Variants in ZNF33B observed in about 807,000 individuals in gnomAD.
ZNF33B encodes zinc finger protein 33B.
In ZNF33B, 29 loss-of-function variants were observed where a neutral mutation model predicts 45.8. The observed-to-expected ratio is 0.63, with a 90% confidence interval of 0.47 to 0.86. The LOEUF is 0.86. Ranked by LOEUF, ZNF33B falls within the 40% of genes least tolerant of loss-of-function variation. The pLI is 0.00. For synonymous variants in ZNF33B, 305 were observed against 307.8 expected (o/e 0.99, Z 0.10); for missense variants, 831 against 909.9 (o/e 0.91, Z 1.12).
At chr10:42,581,422 C>G (rs1050984116) in intron 1 of ZNF33B, among the ~76,000 whole-genome samples, 1 of 146,544 alleles carries the variant, frequency 6.8e-6, no homozygotes, top group African/African-American at 2.5e-5. Context: ...CCAGATCGCA[C>G]CATTGCACTC....
chr10:42,592,930 A>T lies in ZNF33B; in HGVS notation c.2020T>A (p.Phe674Ile). ...AAAATAAGTCCTGACTTCACACAGA[A>T]AGATTTTCCACATTCGTTACATTTA... The part of the protein sequence containing the change: ...PYKCNECGKS[F>I]CVKSGLILHE... The change falls in exon 5 of 5, where the codon TTC (phenylalanine) becomes ATC (isoleucine). Residue 674 changes from phenylalanine (F) to isoleucine (I), a missense_variant. Phe to Ile is a conservative substitution (Grantham distance 21, BLOSUM62 0). Coordinates refer to ENST00000359467, the MANE Select transcript of ZNF33B (RefSeq NM_006955.3). 3.1e-6 allele frequency: 5 copies of T among 1,613,762 alleles called. No homozygotes were observed. Among genetic ancestry groups the T allele is most frequent in the Non-Finnish European group, 4.2e-6 (5 of 1,179,920 alleles).
At chr10:42,599,004 G>A (rs1259407048) in intron 4 of ZNF33B, among the ~76,000 whole-genome samples, 1 of 152,088 alleles carries the variant, frequency 6.6e-6, no homozygotes, top group Non-Finnish European at 1.5e-5. Flanking sequence ...AAGCATCTAG[G>A]GACCTGGGGT....
intron 4 of ZNF33B, among the ~76,000 whole-genome samples, chr10:42,612,896 G>A (rs898654402): frequency 2.6e-5 from 4 of 151,834 alleles, no homozygotes; most frequent in African/African-American, 7.3e-5. Flanking sequence ...ACTGATATTG[G>A]TCCATTTGAA....
At chr10:42,584,666 A>C (rs1564489144), downstream of ZNF33B, among the ~76,000 whole-genome samples, 1 of 151,996 alleles carries the variant, frequency 6.6e-6, no homozygotes, top group Non-Finnish European at 1.5e-5. Context: ...GATTACAGGC[A>C]CCCACCACCA....
At chr10:42,577,243 G>A (rs948745881) in intron 1 of ZNF33B, among the ~76,000 whole-genome samples, 2 of 151,310 alleles carry the variant, frequency 1.3e-5, no homozygotes, top group African/African-American at 4.9e-5. Context: ...AGAAATGAAA[G>A]TAAACACACC....
intron 4 of ZNF33B, among the ~76,000 whole-genome samples, chr10:42,600,427 A>C (rs1837570738): frequency 6.6e-6 from 1 of 152,188 alleles, no homozygotes; most frequent in African/African-American, 2.4e-5. Context: ...TCAATATGAA[A>C]AAAAATCTTT....
At chr10:42,637,040 G>A (rs1267331221) in intron 1 of ZNF33B, 68 bp from the exon 2 acceptor site, 1 of 1,496,934 alleles carries the variant, frequency 6.7e-7, no homozygotes, top group Non-Finnish European at 9.2e-7. Flanking sequence ...GGATTCTTCT[G>A]CCCTAAGAAG....
chr10:42,583,750 C>A (rs1836869744), intron 1 of ZNF33B, among the ~76,000 whole-genome samples: 1 of 152,150 alleles, frequency 6.6e-6, no homozygotes, highest in South Asian at 2.1e-4. Context: ...CCATATTTTG[C>A]AGACTAAATG....
downstream of ZNF33B, among the ~76,000 whole-genome samples, chr10:42,587,958 G>A (rs527988195): frequency 6.6e-5 from 10 of 152,308 alleles, no homozygotes; most frequent in South Asian, 1.2e-3. Flanking sequence ...GGCAACTGGA[G>A]TGCCACACTC....
At chr10:42,589,069 A>C (rs1485716561), downstream of ZNF33B, 2 of 377,698 alleles carry the variant, frequency 5.3e-6, no homozygotes, top group Non-Finnish European at 7.3e-6. Context: ...CACGACTAAC[A>C]AAAGAACACC....
chr10:42,621,522 A>G (rs760967242), intron 4 of ZNF33B, among the ~76,000 whole-genome samples: 15 of 152,030 alleles, frequency 9.9e-5, no homozygotes, highest in Admixed American at 4.6e-4. Context: ...GTGTGGTTCA[A>G]CATAAGAAAA....
chr10:42,606,677 C>T (rs1837869107), intron 4 of ZNF33B, among the ~76,000 whole-genome samples: 1 of 151,720 alleles, frequency 6.6e-6, no homozygotes, highest in South Asian at 2.1e-4. Context: ...CACACTGGGG[C>T]CTATTGAGGG....
chr10:42,617,725 G>A (rs564393332), intron 4 of ZNF33B, among the ~76,000 whole-genome samples: 26 of 152,174 alleles, frequency 1.7e-4, no homozygotes, highest in African/African-American at 6.0e-4. Context: ...CCTTCCTAAC[G>A]CTGGCAACCA....
Position 42,592,503 on chromosome 10 carries a change from T to C in ZNF33B, c.*110A>G, listed in dbSNP as rs183249593. 13 of 1,413,816 alleles carry C rather than the reference T, an allele frequency of 9.2e-6. No homozygotes were observed. The East Asian group carries it at 2.3e-4, about 25-fold the overall frequency. The allele number at this position is 1,413,816 out of a possible 1,614,324, so 87.6% of individuals were successfully genotyped here. On this transcript the variant is annotated 3_prime_UTR_variant, in exon 5 of 5. Transcript: ENST00000359467. ...TACTTTGGAGTAACATAAGGCGAGT[T>C]TGTGGATAGTTATTGAACATTCAGG...
At chr10:42,613,633 A>T (rs1183810439) in intron 4 of ZNF33B, among the ~76,000 whole-genome samples, 2 of 152,222 alleles carry the variant, frequency 1.3e-5, no homozygotes, top group Non-Finnish European at 2.9e-5. Flanking sequence ...ATTTACACTG[A>T]AGCAAGGGAA....
chr10:42,604,097 C>T (rs1348286013), intron 4 of ZNF33B, among the ~76,000 whole-genome samples: 2 of 152,220 alleles, frequency 1.3e-5, no homozygotes, highest in African/African-American at 4.8e-5. Flanking sequence ...GCAACAGCAA[C>T]TGCCCTTGAG....
At chr10:42,616,485 T>G (rs947260331) in intron 4 of ZNF33B, among the ~76,000 whole-genome samples, 5 of 152,178 alleles carry the variant, frequency 3.3e-5, no homozygotes, top group African/African-American at 7.2e-5. Flanking sequence ...ACATTTACTT[T>G]TGCTTGTACA....
intron 4 of ZNF33B, among the ~76,000 whole-genome samples, chr10:42,599,713 T>C (rs2132058385): frequency 6.6e-6 from 1 of 152,140 alleles, no homozygotes; most frequent in African/African-American, 2.4e-5. Flanking sequence ...CTCAAATCAA[T>C]GACCTCAGGT....
chr10:42,593,781 C>A lies in ZNF33B; in HGVS notation c.1169G>T (p.Cys390Phe). The change falls in exon 5 of 5, where the codon TGT becomes TTT. Residue 390 changes from cysteine to phenylalanine, a missense_variant. Cys to Phe is a radical substitution (Grantham distance 205, BLOSUM62 -2). Transcript: ENST00000359467. ...TGEKPFECNECGKAFSHKSAL... is the reference protein window; with the variant it reads ...TGEKPFECNEFGKAFSHKSAL... ...TGACTTATGGCTAAAGGCTTTCCCA[C>A]ATTCATTGCATTCAAAAGGTTTCTC... 1 of 1,613,950 alleles carries A rather than the reference C, an allele frequency of 6.2e-7. No homozygotes were observed. The highest frequency in any genetic ancestry group is 8.5e-7 in the Non-Finnish European group (1 of 1,179,922).
Sources: gnomAD v4.1 joint callset for allele counts (sites outside exome capture counted in the v4.1 genomes callset) on GRCh38, gnomAD v4.1.1 for gene constraint, MANE v1.5 for transcripts, NCBI Gene and HGNC (gene_info 2026-07-23, HGNC 2026-07-21) for gene names.